Variants in STAT5B observed in about 807,000 individuals in gnomAD.
The protein encoded by STAT5B is transcription factor STAT5B.
Under a neutral mutation model 107.8 loss-of-function variants are expected in STAT5B, and 21 were observed. The observed-to-expected ratio is 0.19, with a 90% confidence interval of 0.14 to 0.28. The LOEUF is 0.28. STAT5B is among the 10% of genes least tolerant of loss of function. STAT5B has a pLI of 1.00. For missense variants in STAT5B, 565 were observed against 1,008.2 expected (o/e 0.56, Z 5.95); for synonymous variants, 325 against 401.7 (o/e 0.81, Z 2.28).
Position 42,207,576 on chromosome 17 carries a change from G to A in STAT5B, c.2059C>T (p.Pro687Ser), listed in dbSNP as rs758951069. ...EVYSKYYTPV[P>S]CESATAKAVD... Reference sequence around the variant, plus strand: ...TTGTTACCAGTAGCAGACTCGCAGGGAACTGGTGTGTAGTATTTGGAGTAT... The same window carrying A: ...TTGTTACCAGTAGCAGACTCGCAGGAAACTGGTGTGTAGTATTTGGAGTAT... Residue 687 changes from proline (P) to serine (S), a missense_variant, in exon 16 of 19, where the codon CCC becomes TCC. Physicochemically the swap from Pro to Ser is moderately conservative, Grantham distance 74 (BLOSUM62 -1). Coordinates refer to ENST00000293328, the MANE Select transcript of STAT5B (RefSeq NM_012448.4). 2 of 1,613,750 alleles carry A rather than the reference G, an allele frequency of 1.2e-6. No homozygotes were observed. The highest frequency in any genetic ancestry group is 2.7e-5 in the African/African-American group (2 of 74,794).
intron 12 of STAT5B, 129 bp from the exon 13 acceptor site, chr17:42,212,319 T>A: frequency 6.9e-7 from 1 of 1,458,524 alleles, no homozygotes. Context: ...TGAGGATAAA[T>A]TCAGACTCTG....
chr17:42,218,233 G>C lies in STAT5B; in HGVS notation c.1087C>G (p.His363Asp). 6.2e-7 allele frequency: 1 copy of C among 1,614,150 alleles called. No homozygotes were observed. The highest frequency in any genetic ancestry group is 8.5e-7 in the Non-Finnish European group (1 of 1,180,032). Reference protein sequence around the residue: ...RLLVGGKLNVHMNPPQVKATI... With the variant: ...RLLVGGKLNVDMNPPQVKATI... The stretch of plus-strand genomic sequence containing the variant: ...GCCTTCACCTGGGGGGGGTTCATGT[G>C]CACGTTCAGCTTCCCGCCCACCAGC... Residue 363 changes from histidine to aspartate, a missense_variant, in exon 9 of 19, where the codon CAC (histidine) becomes GAC (aspartate). Physicochemically the swap from His to Asp is moderately conservative, Grantham distance 81. Transcript: ENST00000293328.
chr17:42,263,871 G>GCGCACACA lies in STAT5B; in HGVS notation c.-11+12376_-11+12377insTGTGTGCG, dbSNP rs1007528555. ...AAAATGGAAAGATACTAGAAAGCGC[G>GCGCACACA]CACACACACACACACACACACACAC... On this transcript the variant is annotated intron_variant, in intron 1 of 18. Transcript: ENST00000293328. 3.4e-3 allele frequency among the ~76,000 whole-genome samples: 491 copies of GCGCACACA among 145,016 alleles called. 1 individual carries two copies. The highest frequency in any genetic ancestry group is 5.1e-3 in the South Asian group (23 of 4,496).
At chr17:42,208,833 G>A (rs1023854142) in intron 15 of STAT5B, among the ~76,000 whole-genome samples, 2 of 151,628 alleles carry the variant, frequency 1.3e-5, no homozygotes, top group Non-Finnish European at 2.9e-5. Flanking sequence ...CCGGGTTCAC[G>A]CCATTCTCCT....
At chr17:42,285,702 C>G in the STAT5B span, among the ~76,000 whole-genome samples, 64 of 152,314 alleles carry the variant, frequency 4.2e-4, no homozygotes, top group African/African-American at 1.5e-3. Context: ...GTTGTGTTAT[C>G]TGGAGCCACG....
intron 5 of STAT5B, 112 bp from the exon 6 acceptor site, chr17:42,219,954 A>C: frequency 2.0e-6 from 3 of 1,535,862 alleles, no homozygotes; most frequent in African/African-American, 1.4e-5. Context: ...CAGATACTGC[A>C]TTAAGGGCAA....
chr17:42,266,517 G>A (rs2080673024), intron 1 of STAT5B, among the ~76,000 whole-genome samples: 1 of 150,456 alleles, frequency 6.6e-6, no homozygotes, highest in Admixed American at 6.6e-5. Context: ...CTCATCCTGG[G>A]CAACAGAGCA....
intron 7 of STAT5B, 36 bp from the exon 8 acceptor site, chr17:42,218,914 G>C: frequency 6.2e-7 from 1 of 1,613,816 alleles, no homozygotes. Flanking sequence ...GGAGGACAAT[G>C]GCTCCTCCGC....
chr17:42,267,368 G>A (rs1031911272), intron 1 of STAT5B, among the ~76,000 whole-genome samples: 7 of 152,290 alleles, frequency 4.6e-5, no homozygotes, highest in East Asian at 1.9e-4. Context: ...AGCTCCATAT[G>A]TGTTACTGCC....
intron 1 of STAT5B, among the ~76,000 whole-genome samples, chr17:42,253,735 G>C (rs1021471176): frequency 1.3e-5 from 2 of 151,990 alleles, no homozygotes; most frequent in Non-Finnish European, 2.9e-5. Flanking sequence ...GAGAGCAGTG[G>C]CATGAACACA....
intron 1 of STAT5B, among the ~76,000 whole-genome samples, chr17:42,249,218 C>A (rs375476519): frequency 2.6e-5 from 4 of 152,034 alleles, no homozygotes; most frequent in Non-Finnish European, 4.4e-5. Flanking sequence ...ATGGTGAAAC[C>A]CCGTCTCTAC....
At chr17:42,232,254 T>C (rs2080323555) in intron 1 of STAT5B, 117 bp from the exon 2 acceptor site, 2 of 1,099,554 alleles carry the variant, frequency 1.8e-6, no homozygotes, top group Non-Finnish European at 2.3e-6. Flanking sequence ...TATTTATTTT[T>C]ATTTTTATTT....
chr17:42,257,266 T>C (rs1472798390), intron 1 of STAT5B, among the ~76,000 whole-genome samples: 1 of 152,196 alleles, frequency 6.6e-6, no homozygotes, highest in Admixed American at 6.5e-5. Flanking sequence ...TTTATTTCTG[T>C]TGGGAGAAAA....
At chr17:42,257,701 T>G (rs72820895) in intron 1 of STAT5B, among the ~76,000 whole-genome samples, 66 of 152,278 alleles carry the variant, frequency 4.3e-4, no homozygotes, top group Non-Finnish European at 9.1e-4. Context: ...GAGTTAAAAA[T>G]TCACAATGGG....
At chr17:42,231,373 A>G (rs2080316271) in intron 2 of STAT5B, among the ~76,000 whole-genome samples, 1 of 151,634 alleles carries the variant, frequency 6.6e-6, no homozygotes, top group South Asian at 2.1e-4. Flanking sequence ...ACAGGGTCTC[A>G]CTCTGTTGCT....
intron 2 of STAT5B, among the ~76,000 whole-genome samples, chr17:42,231,068 CTTA>C (rs746998697): frequency 7.9e-5 from 12 of 151,844 alleles, no homozygotes; most frequent in Non-Finnish European, 1.2e-4. Flanking sequence ...TAGATGTAAA[CTTA>C]TTAAGAAATG....
intron 1 of STAT5B, among the ~76,000 whole-genome samples, chr17:42,245,560 T>C (rs1257002338): frequency 2.6e-5 from 4 of 151,794 alleles, no homozygotes; most frequent in Admixed American, 6.6e-5. Flanking sequence ...TTTGCTCTTA[T>C]TGCCCAGGCT....
chr17:42,217,339 C>G (rs1360456620), intron 10 of STAT5B, 38 bp downstream of exon 10: 2 of 1,614,050 alleles, frequency 1.2e-6, no homozygotes, highest in African/African-American at 1.3e-5. Flanking sequence ...CCTCAAAGAC[C>G]AGGGAAAAAT....
rs193153027 is a variant in STAT5B at position 42,240,005 on chromosome 17, G to A, written c.-10-7868C>T. On this transcript the variant is annotated intron_variant, in intron 1 of 18. Coordinates refer to ENST00000293328, the MANE Select transcript of STAT5B (RefSeq NM_012448.4). ...AAAAATGAGCCGGGCACGGTGGCGG[G>A]TGCCTGTAATCCCAGCTATTTGGGA... Among the ~76,000 whole-genome samples the A allele has an allele frequency of 1.8e-3, 272 of 152,288 alleles. 2 individuals are homozygous for A. The highest frequency in any genetic ancestry group is 6.3e-3 in the African/African-American group (262 of 41,576).
Sources: gnomAD v4.1 joint callset for allele counts (sites outside exome capture counted in the v4.1 genomes callset) on GRCh38, gnomAD v4.1.1 for gene constraint, MANE v1.5 for transcripts, NCBI Gene and HGNC (gene_info 2026-07-23, HGNC 2026-07-21) for gene names.